The following DAB2IP variants were observed in gnomAD, a reference collection of about 807,000 sequenced individuals.
DAB2IP encodes disabled homolog 2-interacting protein.
In DAB2IP, 28 loss-of-function variants were observed where a neutral mutation model predicts 107.2. The observed-to-expected ratio is 0.26, with a 90% confidence interval of 0.19 to 0.36. DAB2IP has a LOEUF of 0.36. DAB2IP is among the 10% of genes least tolerant of loss of function. DAB2IP has a pLI of 1.00. For synonymous variants in DAB2IP, 755 were observed against 706.4 expected (o/e 1.07, Z -1.09); for missense variants, 1,400 against 1,644.7 (o/e 0.85, Z 2.57).
intron 1 of DAB2IP, among the ~76,000 whole-genome samples, chr9:121,632,178 G>A (rs541201556): frequency 1.2e-4 from 19 of 152,314 alleles, no homozygotes; most frequent in Middle Eastern, 3.4e-3. Flanking sequence ...GGCCTCGGGC[G>A]TGTTTGTTAC....
At chr9:121,614,281 T>C (rs150625673) in intron 1 of DAB2IP, among the ~76,000 whole-genome samples, 73 of 151,912 alleles carry the variant, frequency 4.8e-4, no homozygotes, top group African/African-American at 1.7e-3. Flanking sequence ...TCTTGCAAGA[T>C]GATAACCAGG....
At chr9:121,631,018 G>GA (rs1374231013) in intron 1 of DAB2IP, among the ~76,000 whole-genome samples, 19 of 152,270 alleles carry the variant, frequency 1.2e-4, no homozygotes, top group Non-Finnish European at 5.9e-5. Context: ...GAGGCCCAGG[G>GA]AGGGGCCCTC....
chr9:121,758,860 C>T (rs746972369), intron 4 of DAB2IP, 38 bp from the exon 5 acceptor site: 1 of 1,588,806 alleles, frequency 6.3e-7, no homozygotes, highest in South Asian at 1.1e-5. Flanking sequence ...TTGCTGTGGT[C>T]CCTTCCCTCA....
chr9:121,673,728 C>A (rs1833775028), intron 1 of DAB2IP, among the ~76,000 whole-genome samples: 1 of 152,174 alleles, frequency 6.6e-6, no homozygotes, highest in South Asian at 2.1e-4. Flanking sequence ...GAGCTTACGG[C>A]AGGTGGCTGG....
chr9:121,596,530 T>C (rs1329654820), intron 1 of DAB2IP, among the ~76,000 whole-genome samples: 3 of 152,030 alleles, frequency 2.0e-5, no homozygotes, highest in Admixed American at 6.5e-5. Flanking sequence ...AAAACAAAAC[T>C]ATATGAATGA....
intron 1 of DAB2IP, among the ~76,000 whole-genome samples, chr9:121,656,602 A>G (rs551031153): frequency 5.3e-5 from 8 of 152,162 alleles, no homozygotes; most frequent in African/African-American, 1.7e-4. Context: ...ACATACCTCA[A>G]GGATTGGGGA....
chr9:121,638,779 C>T (rs1398732439), intron 1 of DAB2IP, among the ~76,000 whole-genome samples: 1 of 152,258 alleles, frequency 6.6e-6, no homozygotes, highest in Non-Finnish European at 1.5e-5. Flanking sequence ...GATGGCGATG[C>T]CCTGGTTCTG....
intron 1 of DAB2IP, among the ~76,000 whole-genome samples, chr9:121,624,254 G>C (rs1831568204): frequency 6.6e-6 from 1 of 152,212 alleles, no homozygotes; most frequent in Non-Finnish European, 1.5e-5. Flanking sequence ...TGTTGTTCCT[G>C]GTGTCCCCAG....
chr9:121,630,310 G>A (rs1831826333), intron 1 of DAB2IP, among the ~76,000 whole-genome samples: 1 of 152,148 alleles, frequency 6.6e-6, no homozygotes. Flanking sequence ...CAGATCACAA[G>A]GTCAGGAGTT....
At chr9:121,700,402 G>A (rs1468123989) in intron 3 of DAB2IP, among the ~76,000 whole-genome samples, 6 of 152,204 alleles carry the variant, frequency 3.9e-5, no homozygotes. Flanking sequence ...CTTAGGCACA[G>A]GCATGGTGAT....
intron 1 of DAB2IP, among the ~76,000 whole-genome samples, chr9:121,625,187 T>A (rs548143975): frequency 1.3e-5 from 2 of 151,610 alleles, no homozygotes; most frequent in Non-Finnish European, 2.9e-5. Flanking sequence ...CATTCACCCC[T>A]GTCACACAGC....
At position 121,669,922 on chromosome 9, in the gene DAB2IP, C is replaced by T. The variant is rs569213905; in HGVS notation, c.125-8756C>T. Among the ~76,000 whole-genome samples the T allele has an allele frequency of 1.1e-4, 16 of 152,300 alleles. No homozygotes were observed. In the East Asian group the frequency reaches 1.9e-3, roughly 18 times the overall value. The stretch of plus-strand genomic sequence containing the variant: ...TCAGGGGCTTTTATTCCAGATCTTT[C>T]GTGTACATTGGTACCATGCCTGCGT... On this transcript the variant is annotated intron_variant, in intron 1 of 15. Coordinates refer to ENST00000408936, the Ensembl canonical transcript of DAB2IP.
chr9:121,745,798 C>T lies in DAB2IP; in HGVS notation c.363-11215C>T, dbSNP rs75152138. Among the ~76,000 whole-genome samples, 4 of 152,334 alleles carry T rather than the reference C, an allele frequency of 2.6e-5. No homozygotes were observed. In the East Asian group the frequency reaches 7.7e-4, roughly 29 times the overall value. ...CCAGTGCTCCTTCCCTTCACATCTTCACCTCTTCTGTCTCTCTGAGCTCAA... is the reference window on the plus strand; with the variant it reads ...CCAGTGCTCCTTCCCTTCACATCTTTACCTCTTCTGTCTCTCTGAGCTCAA... On this transcript the variant is annotated intron_variant, in intron 3 of 15. Coordinates refer to ENST00000408936, the Ensembl canonical transcript of DAB2IP.
exon 16 of DAB2IP, chr9:121,783,069 T>G: frequency 9.7e-7 from 1 of 1,032,506 alleles, no homozygotes; most frequent in Non-Finnish European, 1.2e-6. Flanking sequence ...CCGAAGCACC[T>G]GCCACTGCAT....
intron 3 of DAB2IP, chr9:121,751,521 T>G (rs2118936199): frequency 6.5e-6 from 1 of 152,718 alleles, no homozygotes; most frequent in Admixed American, 6.5e-5. Context: ...GGACTTTGTT[T>G]GGCAAAGAAG....
At chr9:121,583,337 G>A (rs1830244370) in intron 1 of DAB2IP, among the ~76,000 whole-genome samples, 1 of 152,198 alleles carries the variant, frequency 6.6e-6, no homozygotes, top group South Asian at 2.1e-4. Flanking sequence ...TTTGCAGTGA[G>A]TTGAGATCAC....
chr9:121,727,948 C>T (rs533277772), intron 3 of DAB2IP, among the ~76,000 whole-genome samples: 1 of 152,310 alleles, frequency 6.6e-6, no homozygotes, highest in Admixed American at 6.5e-5. Context: ...CTTCATTGTT[C>T]CAGCTGCTCA....
At chr9:121,675,499 C>A (rs1833865086) in intron 1 of DAB2IP, among the ~76,000 whole-genome samples, 1 of 152,206 alleles carries the variant, frequency 6.6e-6, no homozygotes, top group South Asian at 2.1e-4. Context: ...ACTTCTACCG[C>A]TTTCCCTAGA....
At chr9:121,650,447 G>A (rs1832699658), upstream of DAB2IP, among the ~76,000 whole-genome samples, 1 of 152,178 alleles carries the variant, frequency 6.6e-6, no homozygotes, top group Non-Finnish European at 1.5e-5. Context: ...CCCACTCCAG[G>A]GCCCCACCTT....
Sources: gnomAD v4.1 joint callset for allele counts (sites outside exome capture counted in the v4.1 genomes callset) on GRCh38, gnomAD v4.1.1 for gene constraint, MANE v1.5 for transcripts, NCBI Gene and HGNC (gene_info 2026-07-23, HGNC 2026-07-21) for gene names.